The following TENM3 variants were observed in gnomAD, a reference collection of about 807,000 sequenced individuals.
The protein encoded by TENM3 is teneurin transmembrane protein 3, also known as teneurin-3.
In TENM3, 63 loss-of-function variants were observed where a neutral mutation model predicts 255.1. The ratio of observed to expected loss-of-function variants is 0.25; its 90% CI spans 0.20 to 0.30. The LOEUF (loss-of-function observed/expected upper bound fraction) is 0.30, where lower values mean the gene tolerates loss of function less well. Among genes scored for constraint, TENM3 ranks in the 10% least tolerant of loss-of-function variants. The pLI is 1.00. For missense variants in TENM3, 2,929 were observed against 3,461.1 expected (o/e 0.85, Z 3.86); for synonymous variants, 1,306 against 1,322.3 (o/e 0.99, Z 0.27).
chr4:181,696,374 T>C, the TENM3 span, among the ~76,000 whole-genome samples: 1 of 152,092 alleles, frequency 6.6e-6, no homozygotes, highest in African/African-American at 2.4e-5. Flanking sequence ...TATCCACCAA[T>C]GTATTGACCA....
At chr4:182,649,093 C>A (rs1452636084) in intron 5 of TENM3, among the ~76,000 whole-genome samples, 1 of 151,056 alleles carries the variant, frequency 6.6e-6, no homozygotes, top group Non-Finnish European at 1.5e-5. Flanking sequence ...ATGGGGTATA[C>A]AAACAGACTT....
chr4:182,314,432 A>G (rs1255721664), intron 1 of TENM3, among the ~76,000 whole-genome samples: 1 of 152,240 alleles, frequency 6.6e-6, no homozygotes, highest in Non-Finnish European at 1.5e-5. Flanking sequence ...AAAGAAATCA[A>G]TGGTCACTGT....
chr4:182,673,105 G>T lies in TENM3; in HGVS notation c.1212G>T (p.Trp404Cys). The T allele has an allele frequency of 6.2e-7, 1 of 1,613,138 alleles. No homozygotes were observed. Among genetic ancestry groups the T allele is most frequent in the Non-Finnish European group, 8.5e-7 (1 of 1,179,342 alleles). ...AIQEIPPGIF[W>C]RSQLFIDQPQ... is the part of the protein sequence containing the mutation. ...AAGAGATTCCTCCCGGGATCTTCTG[G>T]AGATCACAGCTCTTCATTGATCAGC... is the stretch of plus-strand genomic sequence containing the variant. Residue 404 changes from tryptophan to cysteine, a missense_variant, in exon 7 of 28, where the codon TGG (tryptophan) becomes TGT (cysteine). Physicochemically the swap from Trp to Cys is radical, Grantham distance 215. Transcript: ENST00000511685.
At chr4:182,320,248 G>A (rs565762502) in intron 1 of TENM3, among the ~76,000 whole-genome samples, 1 of 152,322 alleles carries the variant, frequency 6.6e-6, no homozygotes, top group East Asian at 1.9e-4. Flanking sequence ...GTTTCCTGTG[G>A]CTGCAGTGAG....
At chr4:182,573,630 G>C (rs1056744049) in intron 3 of TENM3, among the ~76,000 whole-genome samples, 1 of 152,164 alleles carries the variant, frequency 6.6e-6, no homozygotes, top group Admixed American at 6.5e-5. Flanking sequence ...TATTACTTTA[G>C]AGCAACATGT....
chr4:181,992,250 T>C, the TENM3 span, among the ~76,000 whole-genome samples: 4 of 152,176 alleles, frequency 2.6e-5, no homozygotes, highest in Non-Finnish European at 5.9e-5. Flanking sequence ...CTGTATGGTG[T>C]CTTTACCCTT....
the TENM3 span, among the ~76,000 whole-genome samples, chr4:181,651,247 C>T: frequency 6.6e-6 from 1 of 152,144 alleles, no homozygotes; most frequent in African/African-American, 2.4e-5. Flanking sequence ...CCAAAACCAG[C>T]CTAAATAGGC....
rs546596301 is a variant in TENM3 at position 182,590,871 on chromosome 4, C to A, written c.512-10053C>A. Reference sequence around the variant, plus strand: ...TCAAAAGAAAAAAAAAAACAAAAAACCAGAAAAAAGAAAAAGATTACAGAA... The same window carrying A: ...TCAAAAGAAAAAAAAAAACAAAAAAACAGAAAAAAGAAAAAGATTACAGAA... On this transcript the variant is annotated intron_variant, in intron 3 of 27. Transcript: ENST00000511685. Among the ~76,000 whole-genome samples the A allele has an allele frequency of 5.0e-4, 75 of 151,314 alleles. 3 individuals carry two copies. The highest frequency in any genetic ancestry group is 1.7e-3 in the African/African-American group (69 of 41,406).
At chr4:181,606,228 A>G in the TENM3 span, among the ~76,000 whole-genome samples, 1 of 152,078 alleles carries the variant, frequency 6.6e-6, no homozygotes, top group Non-Finnish European at 1.5e-5. Flanking sequence ...TCTCCAATCT[A>G]CTGGAGCAGC....
chr4:182,079,431 G>A, the TENM3 span, among the ~76,000 whole-genome samples: 1 of 152,110 alleles, frequency 6.6e-6, no homozygotes, highest in African/African-American at 2.4e-5. Context: ...CCAGAGAATG[G>A]CGTGAACCCA....
At chr4:182,099,883 G>A in the TENM3 span, among the ~76,000 whole-genome samples, 1 of 152,048 alleles carries the variant, frequency 6.6e-6, no homozygotes. Flanking sequence ...GGGAAGCAGG[G>A]GCAGGGCTGC....
chr4:182,751,868 C>T lies in TENM3; in HGVS notation c.3698C>T (p.Thr1233Ile). The T allele has an allele frequency of 3.1e-6, 5 of 1,613,886 alleles. No individual in the cohort carries two copies. In the Middle Eastern group the frequency reaches 4.9e-4, roughly 160 times the overall value. Reference protein sequence around the residue: ...PVTGDLYVSDTNTRRIYRPKS... With the variant: ...PVTGDLYVSDINTRRIYRPKS... ...ACGGGAGATCTGTACGTTTCTGACA[C>T]AAACACCCGCAGAATTTATCGCCCA... The change falls in exon 20 of 28, where the codon ACA becomes ATA. Residue 1233 changes from threonine (T) to isoleucine (I), a missense_variant. Thr to Ile is a moderately conservative substitution (Grantham distance 89, BLOSUM62 -1). This residue lies in a region of TENM3 where 1,608 missense variants were observed against 1,884.4 expected (regional missense o/e 0.85). Coordinates refer to ENST00000511685, the MANE Select transcript of TENM3 (RefSeq NM_001080477.4).
chr4:182,318,924 T>G (rs1472210619), intron 1 of TENM3, among the ~76,000 whole-genome samples: 2 of 151,928 alleles, frequency 1.3e-5, no homozygotes, highest in East Asian at 3.9e-4. Context: ...TGTGCCACCA[T>G]GCCCAGCTAA....
At chr4:182,733,671 C>A (rs1760949060) in intron 16 of TENM3, among the ~76,000 whole-genome samples, 1 of 152,144 alleles carries the variant, frequency 6.6e-6, no homozygotes, top group Non-Finnish European at 1.5e-5. Flanking sequence ...TCTAGGATAA[C>A]AAAAAGTCAA....
At chr4:182,081,202 T>C in the TENM3 span, among the ~76,000 whole-genome samples, 3 of 152,124 alleles carry the variant, frequency 2.0e-5, no homozygotes, top group African/African-American at 7.2e-5. Flanking sequence ...TATGATTACT[T>C]AGGTAATACT....
intron 1 of TENM3, among the ~76,000 whole-genome samples, chr4:182,191,507 C>T (rs970036225): frequency 3.3e-5 from 5 of 152,174 alleles, no homozygotes; most frequent in Admixed American, 6.5e-5. Flanking sequence ...CTCCCTTCTC[C>T]TTACGTACAT....
At chr4:182,662,622 G>GT (rs1754322847) in intron 6 of TENM3, among the ~76,000 whole-genome samples, 1 of 152,144 alleles carries the variant, frequency 6.6e-6, no homozygotes, top group African/African-American at 2.4e-5. Context: ...AGTGATCTCA[G>GT]TAAGGGAGGA....
chr4:182,113,851 G>C, the TENM3 span, among the ~76,000 whole-genome samples: 1 of 152,110 alleles, frequency 6.6e-6, no homozygotes, highest in African/African-American at 2.4e-5. Context: ...TAAACAATTG[G>C]ATGGGACTCT....
chr4:182,162,661 T>A (rs1751433696), intron 1 of TENM3, among the ~76,000 whole-genome samples: 1 of 152,176 alleles, frequency 6.6e-6, no homozygotes, highest in Non-Finnish European at 1.5e-5. Flanking sequence ...AAGTCCAAGA[T>A]CAAGGTGCTG....
Sources: allele counts gnomAD v4.1 joint callset (sites outside exome capture counted in the v4.1 genomes callset), GRCh38; gene constraint gnomAD v4.1.1; regional missense constraint gnomAD v4.1.1; transcripts MANE v1.5; gene names NCBI Gene and HGNC (gene_info 2026-07-23, HGNC 2026-07-21).